HERC3: variants seen among roughly 807,000 people sequenced by gnomAD.
HERC3 encodes the protein probable E3 ubiquitin-protein ligase HERC3.
Under a neutral mutation model 129.9 loss-of-function variants are expected in HERC3, and 58 were observed. That is an observed-to-expected ratio of 0.45 (90% confidence interval 0.36 to 0.56). HERC3 has a LOEUF of 0.56. Among genes scored for constraint, HERC3 ranks in the 20% least tolerant of loss-of-function variants. HERC3 has a pLI of 0.00. For synonymous variants in HERC3, 430 were observed against 451.0 expected (o/e 0.95, Z 0.59); for missense variants, 835 against 1,244.2 (o/e 0.67, Z 4.95).
At chr4:88,538,317 G>T in the HERC3 span, among the ~76,000 whole-genome samples, 1 of 152,202 alleles carries the variant, frequency 6.6e-6, no homozygotes, top group Non-Finnish European at 1.5e-5. Context: ...ACACCATGGA[G>T]TATCGTGGCA....
At chr4:88,608,090 C>T (rs569200976) in intron 3 of HERC3, among the ~76,000 whole-genome samples, 3 of 152,336 alleles carry the variant, frequency 2.0e-5, no homozygotes, top group Admixed American at 2.0e-4. Flanking sequence ...GTGACACTGT[C>T]TCCCTCTTCT....
rs767827242 is a variant in HERC3, at chr4:88,655,290, A to G, written c.894A>G (p.Gln298=). 30 of 1,613,618 alleles carry G rather than the reference A, an allele frequency of 1.9e-5. No individual in the cohort carries two copies. Among genetic ancestry groups the G allele is most frequent in the South Asian group, 2.2e-5 (2 of 91,054 alleles). Residue 298 remains glutamine, a synonymous_variant, in exon 8 of 26, where the codon CAA becomes CAG. Transcript: ENST00000402738. ...AGCTGATGGGTAGTGAAGTAACTCA[A>G]ATTGCTTGTGGCAGGTGAGTGTTCC... ...VLELMGSEVT[Q]IACGRQHTLA...
At chr4:88,570,191 T>C in the HERC3 span, among the ~76,000 whole-genome samples, 1 of 151,980 alleles carries the variant, frequency 6.6e-6, no homozygotes, top group Non-Finnish European at 1.5e-5. Flanking sequence ...GTATGAGGAG[T>C]GGATATAGAA....
intron 25 of HERC3, among the ~76,000 whole-genome samples, chr4:88,704,863 C>CTTTTTTTTTTT (rs1165694315): frequency 1.9e-4 from 25 of 130,664 alleles, no homozygotes; most frequent in Middle Eastern, 3.9e-3. Context: ...TTCTTTCTTT[C>CTTTTTTTTTTT]TTTTTTTTTT....
chr4:88,553,332 A>G, the HERC3 span, among the ~76,000 whole-genome samples: 2 of 152,216 alleles, frequency 1.3e-5, no homozygotes, highest in Non-Finnish European at 2.9e-5. Context: ...TTGAACTTCC[A>G]TGAATTCCTA....
At chr4:88,657,770 T>G (rs1196263659) in intron 9 of HERC3, among the ~76,000 whole-genome samples, 1 of 151,936 alleles carries the variant, frequency 6.6e-6, no homozygotes, top group Non-Finnish European at 1.5e-5. Flanking sequence ...AAGGATGATT[T>G]GGAGTTAGCC....
At chr4:88,656,351 T>A (rs1729901263) in intron 9 of HERC3, 3 of 251,436 alleles carry the variant, frequency 1.2e-5, no homozygotes, top group Non-Finnish European at 2.3e-5. Flanking sequence ...GGGAGCATGA[T>A]GCAGCCATCT....
At chr4:88,656,279 T>G (rs1578254555) in intron 9 of HERC3, 2 of 481,486 alleles carry the variant, frequency 4.2e-6, no homozygotes, top group Non-Finnish European at 7.4e-6. Context: ...AAAGAGCACC[T>G]GAAACAGGGT....
At chr4:88,594,957 C>T (rs1722179693) in intron 1 of HERC3, among the ~76,000 whole-genome samples, 1 of 151,774 alleles carries the variant, frequency 6.6e-6, no homozygotes, top group African/African-American at 2.4e-5. Flanking sequence ...GAAAAATTAG[C>T]TGGGCGTGGT....
the HERC3 span, among the ~76,000 whole-genome samples, chr4:88,546,082 T>A: frequency 6.6e-6 from 1 of 152,292 alleles, no homozygotes; most frequent in South Asian, 2.1e-4. Context: ...GTATTTTGTG[T>A]TTATGCTATT....
intron 23 of HERC3, chr4:88,693,322 C>T (rs1430663229): frequency 4.1e-6 from 4 of 967,972 alleles, no homozygotes; most frequent in African/African-American, 1.8e-5. Flanking sequence ...AAATGTATAA[C>T]ATTTGAATTT....
chr4:88,596,113 T>C (rs961263692), intron 2 of HERC3, among the ~76,000 whole-genome samples: 15 of 152,062 alleles, frequency 9.9e-5, no homozygotes, highest in Non-Finnish European at 2.2e-4. Flanking sequence ...CCTTCCAAAG[T>C]GTTAGGATTA....
the HERC3 span, among the ~76,000 whole-genome samples, chr4:88,562,418 TG>T: frequency 6.6e-6 from 1 of 152,196 alleles, no homozygotes; most frequent in Non-Finnish European, 1.5e-5. Flanking sequence ...CTCTGTCAGA[TG>T]GGTAGTTTGC....
intron 8 of HERC3, 119 bp downstream of exon 8, chr4:88,655,423 T>C (rs923043547): frequency 8.8e-7 from 1 of 1,142,520 alleles, no homozygotes; most frequent in African/African-American, 1.5e-5. Flanking sequence ...CTTAACTGCA[T>C]GCACGCCTAT....
In HERC3 at chr4:88,670,152, T is replaced by G; in HGVS notation, c.1811T>G (p.Val604Gly). 1 of 1,612,724 alleles carries G rather than the reference T, an allele frequency of 6.2e-7. No individual in the cohort carries two copies. The stretch of plus-strand genomic sequence containing the variant: ...GTTCTTCATTAGGTAAATCTTAAAG[T>G]GAAGCATGTGGAATATGATACATTT... Reference protein sequence around the residue: ...LEKLYKVNLKVKHVEYDTFYI... With the variant: ...LEKLYKVNLKGKHVEYDTFYI... Residue 604 changes from valine to glycine, a missense_variant, in exon 16 of 26, where the codon GTG (valine) becomes GGG (glycine). Transcript: ENST00000402738.
Position 88,664,251 on chromosome 4 carries a change from C to G in HERC3, c.1331+39C>G, listed in dbSNP as rs76887129. On this transcript the variant is annotated intron_variant, in intron 12 of 25. Coordinates refer to ENST00000402738, the MANE Select transcript of HERC3 (RefSeq NM_014606.3). ...AGCCTTAAAAAACCCTCACGTGTACCTGTAGTCTCAAGCTATTTGGAAGGC... is the reference window on the plus strand; with the variant it reads ...AGCCTTAAAAAACCCTCACGTGTACGTGTAGTCTCAAGCTATTTGGAAGGC... 318 of 1,505,934 alleles carry G rather than the reference C, an allele frequency of 2.1e-4. 3 individuals are homozygous for G. In the East Asian group the frequency reaches 5.3e-3, roughly 25 times the overall value. 93.3% of individuals were successfully genotyped at this position (1,505,934 alleles called of 1,614,324 possible).
intron 15 of HERC3, 46 bp from the exon 16 acceptor site, chr4:88,670,093 C>T (rs1471531097): frequency 3.8e-6 from 6 of 1,599,342 alleles, no homozygotes; most frequent in East Asian, 2.2e-5. Context: ...GTGAGATGTT[C>T]TCTGGGAAGC....
chr4:88,550,209 T>G, the HERC3 span, among the ~76,000 whole-genome samples: 2 of 152,172 alleles, frequency 1.3e-5, no homozygotes, highest in African/African-American at 4.8e-5. Flanking sequence ...ATTAAAAGTC[T>G]CGTTTTCCTG....
At chr4:88,580,130 A>G in the HERC3 span, among the ~76,000 whole-genome samples, 1 of 152,068 alleles carries the variant, frequency 6.6e-6, no homozygotes, top group South Asian at 2.1e-4. Flanking sequence ...TGTGAAAGAC[A>G]TTATAAATAA....
Sources: allele counts gnomAD v4.1 joint callset (sites outside exome capture counted in the v4.1 genomes callset), GRCh38; gene constraint gnomAD v4.1.1; transcripts MANE v1.5; gene names NCBI Gene and HGNC (gene_info 2026-07-23, HGNC 2026-07-21).